Variants in MXI1 observed in about 807,000 individuals in gnomAD.
The protein encoded by MXI1 is MAX interactor 1, dimerization protein.
In MXI1, 18 loss-of-function variants were observed where a neutral mutation model predicts 36.9. The ratio of observed to expected loss-of-function variants is 0.49; its 90% confidence interval spans 0.34 to 0.72. The LOEUF (loss-of-function observed/expected upper bound fraction) is 0.72. Ranked by LOEUF, MXI1 falls within the 30% of genes least tolerant of loss-of-function variation. MXI1 has a pLI of 0.01. For synonymous variants in MXI1, 160 were observed against 146.7 expected (o/e 1.09, Z -0.65); for missense variants, 304 against 379.1 (o/e 0.80, Z 1.64).
intron 3 of MXI1, chr10:110,257,185 A>G (rs1404557468): frequency 3.9e-5 from 6 of 152,430 alleles, no homozygotes; most frequent in African/African-American, 1.4e-4. Context: ...GATATTGTAG[A>G]TATCAAAGGA....
chr10:110,241,748 G>T (rs773281519), intron 2 of MXI1, among the ~76,000 whole-genome samples: 2 of 151,826 alleles, frequency 1.3e-5, no homozygotes, highest in Non-Finnish European at 2.9e-5. Flanking sequence ...AGTTAATAAC[G>T]TTTTGGGTAA....
At chr10:110,232,544 T>TAAG (rs1459954358) in intron 2 of MXI1, among the ~76,000 whole-genome samples, 1 of 152,214 alleles carries the variant, frequency 6.6e-6, no homozygotes, top group Admixed American at 6.5e-5. Flanking sequence ...AGTTGTTTCT[T>TAAG]AAATTCGTGT....
Position 110,207,957 on chromosome 10 carries a change from C to G in MXI1, c.149C>G (p.Pro50Arg). The G allele has an allele frequency of 6.3e-7, 1 of 1,595,926 alleles. No individual in the cohort carries two copies. The highest frequency in any genetic ancestry group is 1.1e-5 in the South Asian group (1 of 89,000). Residue 50 changes from proline to arginine, a missense_variant, in exon 1 of 6, where the codon CCC becomes CGC. Physicochemically the swap from Pro to Arg is moderately radical, Grantham distance 103. This residue lies in a region of MXI1 where 179 missense variants were observed against 184.8 expected (regional missense o/e 0.97). Transcript: ENST00000332674. ...EDPAGAKPRC[P>R]FSDIFNTSEN... is the part of the protein sequence containing the mutation. ...CCCGCTGGGGCCAAGCCCAGGTGCC[C>G]CTTCTCAGACATTTTCAACACCAGC... is the stretch of plus-strand genomic sequence containing the variant.
intron 1 of MXI1, among the ~76,000 whole-genome samples, chr10:110,219,889 C>A (rs562890884): frequency 1.3e-5 from 2 of 152,310 alleles, no homozygotes; most frequent in South Asian, 4.1e-4. Context: ...AACACAGGAG[C>A]TGTTGGTGTG....
In MXI1 at chr10:110,243,058, G is replaced by A. The variant is rs148784997; in HGVS notation, c.408-1770G>A. On this transcript the variant is annotated intron_variant, in intron 2 of 5. Transcript: ENST00000332674. Reference sequence around the variant, plus strand: ...TTGAATTATATTTTTTCTTCTAAACGTCTTTAAATAGGCCTTTTCCCTCTT... The same window carrying A: ...TTGAATTATATTTTTTCTTCTAAACATCTTTAAATAGGCCTTTTCCCTCTT... Among the ~76,000 whole-genome samples the A allele has an allele frequency of 9.2e-4, 140 of 151,888 alleles. 2 individuals are homozygous for A. Among genetic ancestry groups the A allele is most frequent in the African/African-American group, 3.1e-3 (127 of 41,476 alleles).
chr10:110,232,849 A>G (rs1855325083), intron 2 of MXI1, among the ~76,000 whole-genome samples: 2 of 152,266 alleles, frequency 1.3e-5, no homozygotes, highest in Non-Finnish European at 2.9e-5. Context: ...TATTTAAAGA[A>G]TAAAAATCTC....
chr10:110,213,924 A>C (rs1019611967), intron 1 of MXI1, among the ~76,000 whole-genome samples: 1 of 152,258 alleles, frequency 6.6e-6, no homozygotes, highest in African/African-American at 2.4e-5. Context: ...AATTTATTGA[A>C]CACTGACTAT....
At chr10:110,208,299 C>G (rs1482521786) in intron 1 of MXI1, 1 of 440,630 alleles carries the variant, frequency 2.3e-6, no homozygotes, top group East Asian at 5.2e-5. Context: ...CCTGTCGGTG[C>G]GTCGGTCTGT....
chr10:110,276,414 T>TC (rs1363876983), intron 3 of MXI1, among the ~76,000 whole-genome samples: 1 of 152,216 alleles, frequency 6.6e-6, no homozygotes, highest in African/African-American at 2.4e-5. Context: ...CCTCACTTTT[T>TC]CATAGACAAA....
At chr10:110,248,873 G>A (rs72830456) in intron 3 of MXI1, among the ~76,000 whole-genome samples, 12,757 of 152,016 alleles carry the variant, frequency 0.084, 1,046 homozygotes, top group East Asian at 0.29. Flanking sequence ...AATAAAACTC[G>A]AATTTAGAAT....
chr10:110,223,366 G>A (rs957180975), intron 1 of MXI1, among the ~76,000 whole-genome samples: 11 of 152,094 alleles, frequency 7.2e-5, no homozygotes, highest in Non-Finnish European at 1.2e-4. Context: ...GGCGAGTCAC[G>A]AGGTCAGGAG....
At chr10:110,284,579 G>T (rs1419816468) in intron 5 of MXI1, among the ~76,000 whole-genome samples, 2 of 152,200 alleles carry the variant, frequency 1.3e-5, no homozygotes, top group Admixed American at 6.5e-5. Context: ...GGGAGGTCCA[G>T]ACGGACTGGC....
At chr10:110,241,236 T>C (rs908791650) in intron 2 of MXI1, among the ~76,000 whole-genome samples, 3 of 151,960 alleles carry the variant, frequency 2.0e-5, no homozygotes, top group African/African-American at 7.2e-5. Context: ...GTCTTTGTCA[T>C]TGGAAGTTGT....
intron 3 of MXI1, among the ~76,000 whole-genome samples, chr10:110,249,682 G>T (rs901815289): frequency 5.9e-5 from 9 of 152,130 alleles, no homozygotes; most frequent in East Asian, 3.9e-4. Flanking sequence ...AAAAAGAAAT[G>T]GAAGAAAATA....
chr10:110,231,690 A>C lies in MXI1; in HGVS notation c.407+3369A>C, dbSNP rs917908921. ...ATTGCTAAGATGTTACTGCTGTTAGAGAATGTGGCTGCAATAGCTATCTGG... is the reference window on the plus strand; with the variant it reads ...ATTGCTAAGATGTTACTGCTGTTAGCGAATGTGGCTGCAATAGCTATCTGG... On this transcript the variant is annotated intron_variant, in intron 2 of 5. Coordinates refer to ENST00000332674, the MANE Select transcript of MXI1 (RefSeq NM_130439.3). 4.6e-5 allele frequency among the ~76,000 whole-genome samples: 7 copies of C among 152,180 alleles called. No individual in the cohort carries two copies. The South Asian group carries it at 6.2e-4, about 13-fold the overall frequency.
At chr10:110,224,091 A>G (rs918087371) in intron 1 of MXI1, among the ~76,000 whole-genome samples, 4 of 152,336 alleles carry the variant, frequency 2.6e-5, no homozygotes, top group Admixed American at 6.5e-5. Flanking sequence ...CATGAAGCCG[A>G]TAACATTTTT....
At chr10:110,227,239 CG>C (rs199595198) in intron 1 of MXI1, 31,825 of 553,300 alleles carry the variant, frequency 0.058, 1,069 homozygotes, top group Middle Eastern at 0.15. Context: ...GGATGGTGCG[CG>C]GGGGGGAGGG....
intron 1 of MXI1, chr10:110,227,679 C>T (rs1245151303): frequency 3.7e-5 from 18 of 484,066 alleles, no homozygotes; most frequent in African/African-American, 6.3e-5. Flanking sequence ...GAGATGGGGT[C>T]CCTTTAGCGG....
intron 1 of MXI1, among the ~76,000 whole-genome samples, chr10:110,217,574 C>G (rs1002123776): frequency 6.6e-6 from 1 of 152,316 alleles, no homozygotes; most frequent in African/African-American, 2.4e-5. Context: ...GCTCCCAAGA[C>G]TGTGTGTGCC....
Sources: allele counts gnomAD v4.1 joint callset (sites outside exome capture counted in the v4.1 genomes callset), GRCh38; gene constraint gnomAD v4.1.1; regional missense constraint gnomAD v4.1.1; transcripts MANE v1.5; gene names NCBI Gene and HGNC (gene_info 2026-07-23, HGNC 2026-07-21).